PRICKLE2: variants seen among roughly 807,000 people sequenced by gnomAD.
PRICKLE2 encodes prickle-like protein 2.
A neutral mutation model predicts 81.4 loss-of-function variants in PRICKLE2; 21 were observed. The observed-to-expected ratio is 0.26, with a 90% CI of 0.18 to 0.37. The LOEUF is 0.37. Ranked by LOEUF, PRICKLE2 falls within the 10% of genes least tolerant of loss-of-function variation. The pLI is 1.00. For synonymous variants in PRICKLE2, 456 were observed against 421.5 expected, an observed-to-expected ratio of 1.08 and a Z score of -1.00; for missense variants, 940 against 1,109.0, an observed-to-expected ratio of 0.85 and a Z score of 2.16.
chr3:64,168,453 T>C (rs539020530), intron 2 of PRICKLE2, among the ~76,000 whole-genome samples: 2 of 152,220 alleles, frequency 1.3e-5, no homozygotes, highest in Non-Finnish European at 2.9e-5. Context: ...AAAGCCATCC[T>C]GGGCTGCATG....
chr3:64,099,232 T>G lies in PRICKLE2; in HGVS notation c.2354A>C (p.Asp785Ala). 6.2e-7 allele frequency: 1 copy of G among 1,614,200 alleles called. No homozygotes were observed. The highest frequency in any genetic ancestry group is 8.5e-7 in the Non-Finnish European group (1 of 1,180,032). Reference sequence around the variant, plus strand: ...TTCTCCTAGGAAATAGCCCTCGTTGTCAGACTCTGAAGAGGAGGAGCAGGT... The same window carrying G: ...TTCTCCTAGGAAATAGCCCTCGTTGGCAGACTCTGAAGAGGAGGAGCAGGT... ...CSTCSSSSESDNEGYFLGEPI... is the reference protein window; with the variant it reads ...CSTCSSSSESANEGYFLGEPI... The change falls in exon 8 of 8, where the codon GAC becomes GCC. Residue 785 changes from aspartate (D) to alanine (A), a missense_variant. This residue lies in a region of PRICKLE2 where 670 missense variants were observed against 717.2 expected (regional missense o/e 0.93). Coordinates refer to ENST00000638394, the MANE Select transcript of PRICKLE2 (RefSeq NM_198859.4). The surrounding 1 kb of genome is among the most constrained non-coding windows in gnomAD (Gnocchi z 4.3).
At chr3:64,190,958 C>T (rs2078322030) in intron 2 of PRICKLE2, among the ~76,000 whole-genome samples, 1 of 152,120 alleles carries the variant, frequency 6.6e-6, no homozygotes, top group Non-Finnish European at 1.5e-5. Context: ...AGCAGATAAT[C>T]CCAAAGCCTG....
Position 64,163,118 on chromosome 3 carries a change from G to T in PRICKLE2, c.156C>A (p.Tyr52Ter). 6.3e-7 allele frequency: 1 copy of T among 1,598,210 alleles called. No individual in the cohort carries two copies. Among genetic ancestry groups the T allele is most frequent in the Non-Finnish European group, 8.6e-7 (1 of 1,165,454 alleles). The change falls in exon 3 of 8, where the codon TAC becomes TAA. Residue 52 changes from tyrosine to a stop codon, truncating the protein, a stop_gained. Transcript: ENST00000638394. LOFTEE classifies it high-confidence loss of function. ...PGLKPEQVHQ[Y>*]YSCLPEEKVP... ...CTTTCTCTTCTGGGAGACAGCTATA[G>T]TACTGGTGTACCTGAAGGACAGAAA...
At chr3:64,149,031 C>T (rs2077501805) in intron 6 of PRICKLE2, among the ~76,000 whole-genome samples, 1 of 152,218 alleles carries the variant, frequency 6.6e-6, no homozygotes, top group South Asian at 2.1e-4. Context: ...CCTCTGGGAG[C>T]GTAAGTACCC....
chr3:64,219,137 C>G (rs1335073297), intron 1 of PRICKLE2, among the ~76,000 whole-genome samples: 1 of 152,182 alleles, frequency 6.6e-6, no homozygotes, highest in Non-Finnish European at 1.5e-5. Flanking sequence ...AGGTCCTGAT[C>G]TAAAACTTGA....
rs2076520236 is a variant in PRICKLE2, at chr3:64,092,288, T to G, written c.*6763A>C. The G allele has an allele frequency of 2.6e-5, 4 of 152,240 alleles. No homozygotes were observed. 9.4% of individuals were successfully genotyped at this position (152,240 alleles called of 1,614,324 possible). The stretch of plus-strand genomic sequence containing the variant: ...CAAAAGCTCTTAGAATGTCTTACAA[T>G]GAAACAACTCTTGTTGTCTGCCACT... On this transcript the variant is annotated 3_prime_UTR_variant, in exon 8 of 8. Coordinates refer to ENST00000638394, the MANE Select transcript of PRICKLE2 (RefSeq NM_198859.4).
chr3:64,260,892 T>C (rs1359226355), intron 2 of PRICKLE2, among the ~76,000 whole-genome samples: 2 of 152,206 alleles, frequency 1.3e-5, no homozygotes, highest in Non-Finnish European at 2.9e-5. Context: ...CCAAAGCCAT[T>C]TGTGGGAGTT....
intron 2 of PRICKLE2, among the ~76,000 whole-genome samples, chr3:64,252,603 C>G (rs916095095): frequency 6.6e-6 from 1 of 152,190 alleles, no homozygotes; most frequent in Non-Finnish European, 1.5e-5. Flanking sequence ...GCAGCATGAG[C>G]TTTTCCCCCA....
intron 7 of PRICKLE2, chr3:64,146,482 G>A (rs551621336): frequency 3.4e-5 from 9 of 267,946 alleles, no homozygotes; most frequent in Admixed American, 1.4e-4. Context: ...GGTGGCTCAC[G>A]CCTGTAATCC....
At chr3:64,205,678 C>T (rs887491638) in intron 1 of PRICKLE2, among the ~76,000 whole-genome samples, 2 of 152,176 alleles carry the variant, frequency 1.3e-5, no homozygotes, top group African/African-American at 4.8e-5. Context: ...AATTGAGATT[C>T]GAATGGGATT....
intron 7 of PRICKLE2, among the ~76,000 whole-genome samples, chr3:64,136,382 G>C (rs2077279875): frequency 6.6e-6 from 1 of 151,058 alleles, no homozygotes; most frequent in African/African-American, 2.4e-5. Context: ...TCGAAATGCT[G>C]ATTGCTGAGT....
At chr3:64,173,956 T>C (rs2077976838) in intron 2 of PRICKLE2, among the ~76,000 whole-genome samples, 1 of 152,204 alleles carries the variant, frequency 6.6e-6, no homozygotes, top group South Asian at 2.1e-4. Context: ...TATTTATGTA[T>C]TGGCAGGTGT....
At chr3:64,225,697 G>C (rs2079021705), upstream of PRICKLE2, among the ~76,000 whole-genome samples, 1 of 151,950 alleles carries the variant, frequency 6.6e-6, no homozygotes, top group African/African-American at 2.4e-5. Context: ...TAAGAAGAGA[G>C]GCTTTAAAGA....
intron 2 of PRICKLE2, among the ~76,000 whole-genome samples, chr3:64,231,582 T>A (rs1451932579): frequency 6.6e-6 from 1 of 152,166 alleles, no homozygotes; most frequent in Admixed American, 6.5e-5. Context: ...GCAAAATGAA[T>A]GATATCCTAG....
intron 1 of PRICKLE2, among the ~76,000 whole-genome samples, chr3:64,207,487 G>A (rs2078707210): frequency 6.6e-6 from 1 of 152,134 alleles, no homozygotes; most frequent in Non-Finnish European, 1.5e-5. Context: ...GCCAGAGCCA[G>A]GGGATAAGAC....
intron 7 of PRICKLE2, among the ~76,000 whole-genome samples, chr3:64,107,610 G>A (rs772155877): frequency 1.5e-4 from 23 of 152,124 alleles, no homozygotes; most frequent in Non-Finnish European, 3.1e-4. Flanking sequence ...GGGAAGCTGA[G>A]GTGGGAGGAG....
intron 1 of PRICKLE2, among the ~76,000 whole-genome samples, chr3:64,206,486 G>A (rs2078691668): frequency 6.6e-6 from 1 of 152,184 alleles, no homozygotes; most frequent in African/African-American, 2.4e-5. Context: ...ACTCAGCTGG[G>A]TACCCAGTGG....
At chr3:64,220,304 G>A (rs147286548) in intron 1 of PRICKLE2, among the ~76,000 whole-genome samples, 106 of 152,304 alleles carry the variant, frequency 7.0e-4, no homozygotes, top group African/African-American at 2.5e-3. Context: ...GGATGGGGCT[G>A]GAAAATATTT....
intron 2 of PRICKLE2, 182 bp from the exon 3 acceptor site, chr3:64,163,311 A>G (rs2077764977): frequency 3.1e-6 from 2 of 644,622 alleles, no homozygotes; most frequent in Non-Finnish European, 5.6e-6. Flanking sequence ...TTAAAGCAAG[A>G]GTCAGGCAAA....
Sources: allele counts gnomAD v4.1 joint callset (sites outside exome capture counted in the v4.1 genomes callset), GRCh38; gene constraint gnomAD v4.1.1; regional missense constraint gnomAD v4.1.1; non-coding constraint Gnocchi (gnomAD v3.1); transcripts MANE v1.5; gene names NCBI Gene and HGNC (gene_info 2026-07-23, HGNC 2026-07-21).